Variants in ITGA9 observed in about 807,000 individuals in gnomAD.
The protein encoded by ITGA9 is integrin subunit alpha 9.
ITGA9 carries 56 observed loss-of-function variants against 127.8 expected under a neutral mutation model. The observed-to-expected ratio is 0.44, with a 90% CI of 0.35 to 0.55. The LOEUF (loss-of-function observed/expected upper bound fraction) is 0.55, where lower values mean the gene tolerates loss of function less well. Among genes scored for constraint, ITGA9 ranks in the 20% least tolerant of loss-of-function variants. The probability of loss-of-function intolerance (pLI) is 0.00; values close to 1 mark genes in which losing one functional copy is unlikely to be tolerated. For missense variants in ITGA9, 1,196 were observed against 1,347.1 expected, an observed-to-expected ratio of 0.89 and a Z score of 1.76; for synonymous variants, 508 against 514.5, an observed-to-expected ratio of 0.99 and a Z score of 0.17.
In ITGA9 at chr3:37,513,763, A is replaced by T. The variant is rs751211553; in HGVS notation, c.898A>T (p.Met300Leu). 1 of 1,614,044 alleles carries T rather than the reference A, an allele frequency of 6.2e-7. No homozygotes were observed. The highest frequency in any genetic ancestry group is 1.1e-5 in the South Asian group (1 of 91,074). The change falls in exon 9 of 28, where the codon ATG (methionine) becomes TTG (leucine). Residue 300 changes from methionine to leucine, a missense_variant and splice_region_variant. By Grantham distance (15) the Met-to-Leu change is conservative. Coordinates refer to ENST00000264741, the MANE Select transcript of ITGA9 (RefSeq NM_002207.3). The part of the protein sequence containing the change: ...IKIFQASGKK[M>L]GSYFGSSLCA... Reference sequence around the variant, plus strand: ...TTGTTGCAACTCAACTTGGTTGCAGATGGGCTCTTACTTCGGCTCCTCCTT... The same window carrying T: ...TTGTTGCAACTCAACTTGGTTGCAGTTGGGCTCTTACTTCGGCTCCTCCTT...
At chr3:37,678,652 GT>G (rs2125660142) in intron 17 of ITGA9, among the ~76,000 whole-genome samples, 1 of 152,242 alleles carries the variant, frequency 6.6e-6, no homozygotes, top group South Asian at 2.1e-4. Context: ...AAAAGAAAAG[GT>G]CATGGTTTTT....
chr3:37,506,638 C>G (rs1438688982), intron 7 of ITGA9, among the ~76,000 whole-genome samples: 4 of 152,156 alleles, frequency 2.6e-5, no homozygotes, highest in African/African-American at 4.8e-5. Context: ...AAAACCCACC[C>G]CCTGGATCTA....
At chr3:37,646,143 A>G (rs1475297704) in intron 16 of ITGA9, among the ~76,000 whole-genome samples, 1 of 152,224 alleles carries the variant, frequency 6.6e-6, no homozygotes, top group Admixed American at 6.5e-5. Flanking sequence ...GATTCAACAA[A>G]CAGCCCATAG....
At chr3:37,768,689 C>T (rs1282734687) in intron 23 of ITGA9, among the ~76,000 whole-genome samples, 2 of 151,980 alleles carry the variant, frequency 1.3e-5, no homozygotes, top group South Asian at 2.1e-4. Context: ...AACACAGAAA[C>T]GTGAGTTAAC....
At chr3:37,477,464 G>A (rs939439118) in intron 3 of ITGA9, among the ~76,000 whole-genome samples, 3 of 152,218 alleles carry the variant, frequency 2.0e-5, no homozygotes, top group African/African-American at 7.2e-5. Context: ...TGTCAGGCTG[G>A]TCTGGCAGGT....
intron 3 of ITGA9, 145 bp downstream of exon 3, chr3:37,473,605 C>G (rs143536472): frequency 5.1e-6 from 3 of 586,040 alleles, no homozygotes; most frequent in Non-Finnish European, 9.1e-6. Flanking sequence ...GACTTATCTT[C>G]TTATTTTCTT....
intron 17 of ITGA9, among the ~76,000 whole-genome samples, chr3:37,662,776 G>T (rs1700550678): frequency 6.6e-6 from 1 of 152,202 alleles, no homozygotes; most frequent in African/African-American, 2.4e-5. Flanking sequence ...CTCACTGTAC[G>T]AAAAGTCGAA....
intron 17 of ITGA9, among the ~76,000 whole-genome samples, chr3:37,663,922 A>G (rs1283284451): frequency 1.3e-5 from 2 of 152,204 alleles, no homozygotes; most frequent in African/African-American, 4.8e-5. Flanking sequence ...AAGTGCTTCT[A>G]AAAGTGCTTA....
At chr3:37,615,938 G>T (rs1700070023) in intron 15 of ITGA9, among the ~76,000 whole-genome samples, 1 of 151,990 alleles carries the variant, frequency 6.6e-6, no homozygotes, top group South Asian at 2.1e-4. Flanking sequence ...TGATTTTTTT[G>T]AAGGGTTTTT....
chr3:37,684,976 A>G (rs1041235150), intron 18 of ITGA9, among the ~76,000 whole-genome samples: 2 of 152,216 alleles, frequency 1.3e-5, no homozygotes, highest in Non-Finnish European at 2.9e-5. Flanking sequence ...ACAAGGGGGA[A>G]CAAGTGGACA....
intron 20 of ITGA9, among the ~76,000 whole-genome samples, 191 bp downstream of exon 20, chr3:37,737,174 T>G (rs1696373525): frequency 6.6e-6 from 1 of 152,188 alleles, no homozygotes; most frequent in Admixed American, 6.5e-5. Flanking sequence ...GCTGCTTGCA[T>G]AGCCGCCACT....
intron 5 of ITGA9, among the ~76,000 whole-genome samples, chr3:37,496,150 C>T (rs1371321172): frequency 6.6e-6 from 1 of 152,182 alleles, no homozygotes; most frequent in Non-Finnish European, 1.5e-5. Flanking sequence ...CCAAAGAGAA[C>T]ATAGACAGTT....
chr3:37,518,093 C>T (rs201715635), intron 10 of ITGA9, among the ~76,000 whole-genome samples: 1,638 of 144,198 alleles, frequency 0.011, 13 homozygotes, highest in African/African-American at 0.021. Context: ...AGAGTGTACG[C>T]GTGTGTGTGT....
chr3:37,804,685 T>C (rs567339840), intron 27 of ITGA9, among the ~76,000 whole-genome samples: 254 of 152,344 alleles, frequency 1.7e-3, no homozygotes, highest in Non-Finnish European at 2.2e-3. Flanking sequence ...TAACTGCAAC[T>C]TCCTGACACC....
intron 21 of ITGA9, 78 bp downstream of exon 21, chr3:37,741,897 G>A: frequency 8.4e-7 from 1 of 1,192,686 alleles, no homozygotes; most frequent in Non-Finnish European, 1.2e-6. Flanking sequence ...ATTTGCATGT[G>A]TAGCCAGCCA....
At chr3:37,492,362 A>G (rs1296576417) in intron 4 of ITGA9, among the ~76,000 whole-genome samples, 2 of 152,216 alleles carry the variant, frequency 1.3e-5, no homozygotes, top group Admixed American at 1.3e-4. Flanking sequence ...CCAGCTTGGG[A>G]AGGCGGAGGC....
At chr3:37,580,320 A>G (rs1485501559) in intron 15 of ITGA9, among the ~76,000 whole-genome samples, 2 of 152,188 alleles carry the variant, frequency 1.3e-5, no homozygotes, top group Admixed American at 6.5e-5. Context: ...CACAAGAAAA[A>G]TCAGTGGATG....
chr3:37,569,396 A>AT (rs1271711964), intron 15 of ITGA9, among the ~76,000 whole-genome samples: 1 of 152,198 alleles, frequency 6.6e-6, no homozygotes, highest in Non-Finnish European at 1.5e-5. Context: ...CAGCCAAACC[A>AT]TATCATGGGG....
intron 15 of ITGA9, among the ~76,000 whole-genome samples, chr3:37,561,000 C>A (rs901356615): frequency 1.3e-5 from 2 of 152,090 alleles, no homozygotes; most frequent in African/African-American, 4.8e-5. Flanking sequence ...TGTGTGTCCA[C>A]ATTTCCTCCT....
Sources: gnomAD v4.1 joint callset for allele counts (sites outside exome capture counted in the v4.1 genomes callset) on GRCh38, gnomAD v4.1.1 for gene constraint, MANE v1.5 for transcripts, NCBI Gene and HGNC (gene_info 2026-07-23, HGNC 2026-07-21) for gene names.